RASA3: variants seen among roughly 807,000 people sequenced by gnomAD.
RASA3 encodes RAS p21 protein activator 3.
In RASA3, 73 loss-of-function variants were observed where a neutral mutation model predicts 110.0. The observed-to-expected ratio is 0.66, with a 90% CI of 0.55 to 0.81. The LOEUF is 0.81. Among genes scored for constraint, RASA3 ranks in the 30% least tolerant of loss-of-function variants. The pLI is 0.00. For synonymous variants in RASA3, 500 were observed against 451.4 expected (o/e 1.11, Z -1.37); for missense variants, 976 against 1,113.2 (o/e 0.88, Z 1.75).
chr13:114,027,000 T>C (rs972667971), intron 7 of RASA3, among the ~76,000 whole-genome samples: 1 of 152,264 alleles, frequency 6.6e-6, no homozygotes, highest in Non-Finnish European at 1.5e-5. Context: ...CTCTCAGGGA[T>C]GCTTGGGCAG....
At position 113,981,778 on chromosome 13, in the gene RASA3, T is replaced by C; in HGVS notation, c.2326A>G (p.Thr776Ala). The change falls in exon 23 of 24, where the codon ACC becomes GCC. Residue 776 changes from threonine (T) to alanine (A), a missense_variant. Transcript: ENST00000334062. ...STFVIDDPQE[T>A]YKTLKQVIAG... Reference sequence around the variant, plus strand: ...ATGACTTGCTTTAGCGTCTTGTAGGTCTCCTGGGGGTCGTCAATGACGAAC... The same window carrying C: ...ATGACTTGCTTTAGCGTCTTGTAGGCCTCCTGGGGGTCGTCAATGACGAAC... 3.7e-6 allele frequency: 6 copies of C among 1,614,012 alleles called. No homozygotes were observed. The highest frequency in any genetic ancestry group is 4.2e-6 in the Non-Finnish European group (5 of 1,179,980).
chr13:114,065,439 G>A lies in RASA3; in HGVS notation c.173+8281C>T, dbSNP rs79675394. Reference sequence around the variant, plus strand: ...GAACCAAACCCCAAACCGGGTCTGCGAAGCAGCCCTGGGGCTCCCAAGCCA... The same window carrying A: ...GAACCAAACCCCAAACCGGGTCTGCAAAGCAGCCCTGGGGCTCCCAAGCCA... On this transcript the variant is annotated intron_variant, in intron 2 of 23. Transcript: ENST00000334062. The surrounding 1 kb of genome is among the most constrained non-coding windows in gnomAD (Gnocchi z 4.1). Among the ~76,000 whole-genome samples, 5,361 of 152,286 alleles carry A rather than the reference G, an allele frequency of 0.035. 133 individuals carry two copies. The highest frequency in any genetic ancestry group is 0.092 in the Middle Eastern group (27 of 294).
rs768515274 is a variant in RASA3 at position 114,009,463 on chromosome 13, G to A, written c.1592C>T (p.Ala531Val). ...TLGSLSKSKS[A>V]SFKESYMATF... ...AGCCATGTAGGACTCCTTAAAACTC[G>A]CCTAAAATGAAACGGAGATCACTCG... The change falls in exon 17 of 24, where the codon GCG (alanine) becomes GTG (valine). Residue 531 changes from alanine (A) to valine (V), a missense_variant and splice_region_variant. Physicochemically the swap from Ala to Val is moderately conservative, Grantham distance 64. Transcript: ENST00000334062. 20 of 1,606,332 alleles carry A rather than the reference G, an allele frequency of 1.2e-5. No homozygotes were observed. The highest frequency in any genetic ancestry group is 5.5e-5 in the South Asian group (5 of 90,894).
At chr13:114,060,408 T>C (rs1293707184) in intron 2 of RASA3, among the ~76,000 whole-genome samples, 1 of 152,196 alleles carries the variant, frequency 6.6e-6, no homozygotes, top group Non-Finnish European at 1.5e-5. Flanking sequence ...TGCCCAGACC[T>C]GGCACAGTGG....
rs370578050 is a variant in RASA3, at chr13:114,115,544, C to T, written c.55+16891G>A. 2.0e-5 allele frequency among the ~76,000 whole-genome samples: 3 copies of T among 152,218 alleles called. No homozygotes were observed. The highest frequency in any genetic ancestry group is 2.9e-5 in the Non-Finnish European group (2 of 68,042). Reference sequence around the variant, plus strand: ...GAGACTCATGCCCTAGAGATAAAGCCGTCGGAGGCAGAGTGCAGGCCTCGA... The same window carrying T: ...GAGACTCATGCCCTAGAGATAAAGCTGTCGGAGGCAGAGTGCAGGCCTCGA... On this transcript the variant is annotated intron_variant, in intron 1 of 23. Coordinates refer to ENST00000334062, the MANE Select transcript of RASA3 (RefSeq NM_007368.4). This position sits in a 1 kb window ranked among gnomAD's most constrained non-coding sequence, Gnocchi z 5.0.
chr13:114,117,975 G>T (rs2080317975), intron 1 of RASA3, among the ~76,000 whole-genome samples: 1 of 151,978 alleles, frequency 6.6e-6, no homozygotes, highest in Non-Finnish European at 1.5e-5. Flanking sequence ...ACACGCACCT[G>T]TGTGCACATG....
chr13:114,034,327 G>A (rs1404690264), intron 4 of RASA3, among the ~76,000 whole-genome samples: 2 of 152,268 alleles, frequency 1.3e-5, no homozygotes, highest in African/African-American at 4.8e-5. Flanking sequence ...CTGTGCAGAC[G>A]GAGGTAGCTC....
intron 1 of RASA3, among the ~76,000 whole-genome samples, chr13:114,089,876 C>A (rs1162134504): frequency 6.6e-6 from 1 of 150,474 alleles, no homozygotes; most frequent in African/African-American, 2.4e-5. Context: ...TTGTCCTGGA[C>A]ATTTCATGGA....
chr13:114,027,576 T>G, intron 6 of RASA3, 115 bp from the exon 7 acceptor site: 1 of 845,818 alleles, frequency 1.2e-6, no homozygotes, highest in Non-Finnish European at 1.9e-6. Context: ...ATTTATTTTA[T>G]AAATATTTCT....
At chr13:114,069,075 G>A (rs1251179120) in intron 2 of RASA3, among the ~76,000 whole-genome samples, 3 of 152,232 alleles carry the variant, frequency 2.0e-5, no homozygotes, top group Non-Finnish European at 2.9e-5. Flanking sequence ...GCAGGGAGGA[G>A]GCGTGGGGGA....
chr13:114,123,829 C>T (rs1032542266), intron 1 of RASA3, among the ~76,000 whole-genome samples: 2 of 152,178 alleles, frequency 1.3e-5, no homozygotes, highest in East Asian at 3.8e-4. Context: ...AGGATCCCCA[C>T]GGTGTCTAGG....
intron 3 of RASA3, among the ~76,000 whole-genome samples, chr13:114,050,720 G>A (rs766667579): frequency 7.9e-5 from 12 of 152,246 alleles, no homozygotes; most frequent in South Asian, 6.2e-4. Context: ...GACAGCCTAC[G>A]CGTTACCTAC....
chr13:113,999,348 C>T (rs1424422278), intron 20 of RASA3, among the ~76,000 whole-genome samples: 13 of 152,158 alleles, frequency 8.5e-5, no homozygotes, highest in South Asian at 4.1e-4. Flanking sequence ...CCCCACCTTC[C>T]GGCAGGTTCC....
chr13:114,100,671 G>A (rs931105299), intron 1 of RASA3, among the ~76,000 whole-genome samples: 3 of 152,212 alleles, frequency 2.0e-5, no homozygotes, highest in Admixed American at 6.5e-5. Context: ...AGGACACCTG[G>A]GCAAACAGCC....
chr13:113,998,493 C>T (rs9562061), intron 20 of RASA3, among the ~76,000 whole-genome samples: 48,731 of 152,078 alleles, frequency 0.32, 7,942 homozygotes, highest in East Asian at 0.41. Flanking sequence ...ATGCTGCAGT[C>T]GGGGCACAGA....
chr13:114,117,181 T>C lies in RASA3; in HGVS notation c.55+15254A>G, dbSNP rs374387495. Among the ~76,000 whole-genome samples the C allele has an allele frequency of 2.9e-3, 195 of 67,258 alleles. 6 individuals are homozygous for C. The highest frequency in any genetic ancestry group is 0.029 in the Admixed American group (151 of 5,266). The allele number at this position is 67,258 out of a possible 152,430, so 44.1% of individuals were successfully genotyped here. A position where few individuals can be genotyped will look rare whatever the true frequency, so the allele number is the denominator to read the frequency against. Reference sequence around the variant, plus strand: ...GGGGTGCACGTGTGTGACAGATGCATGTGTGTGAGGAGAGCACGTGTGTGA... The same window carrying C: ...GGGGTGCACGTGTGTGACAGATGCACGTGTGTGAGGAGAGCACGTGTGTGA... On this transcript the variant is annotated intron_variant, in intron 1 of 23. Coordinates refer to ENST00000334062, the MANE Select transcript of RASA3 (RefSeq NM_007368.4).
In RASA3 at chr13:114,048,335, A is replaced by C. The variant is rs982629249; in HGVS notation, c.277+3717T>G. ...GTCTCAAAAAAAAAAAAAAAGAAGA[A>C]GAAAAGAATGGAGGTCTCACTGCAC... On this transcript the variant is annotated intron_variant, in intron 3 of 23. Coordinates refer to ENST00000334062, the MANE Select transcript of RASA3 (RefSeq NM_007368.4). This position sits in a 1 kb window ranked among gnomAD's most constrained non-coding sequence, Gnocchi z 4.3. 2.0e-5 allele frequency among the ~76,000 whole-genome samples: 3 copies of C among 151,078 alleles called. No individual in the cohort carries two copies. The highest frequency in any genetic ancestry group is 4.4e-5 in the Non-Finnish European group (3 of 67,778).
intron 3 of RASA3, among the ~76,000 whole-genome samples, chr13:114,043,837 G>GCCCCCCCCCCCCCCCCCCCCCC (rs544129523): frequency 1.3e-4 from 3 of 22,824 alleles, no homozygotes; most frequent in African/African-American, 1.0e-3. Flanking sequence ...CACTCGCTGA[G>GCCCCCCCCCCCCCCCCCCCCCC]CCCCCCGCCC....
rs1555321925 is a variant in RASA3, at chr13:113,978,265, GC to G, written c.*1081del. The G allele has an allele frequency of 6.6e-6, 1 of 152,208 alleles. No homozygotes were observed. The highest frequency in any genetic ancestry group is 1.5e-5 in the Non-Finnish European group (1 of 68,060). The allele number at this position is 152,208 out of a possible 1,614,324, so 9.4% of individuals were successfully genotyped here. A position where few individuals can be genotyped will look rare whatever the true frequency, so the allele number is the denominator to read the frequency against. On this transcript the variant is annotated 3_prime_UTR_variant, in exon 24 of 24. Transcript: ENST00000334062. ...AACACAGGTGCAATACTGACCATGGGCCCTGGAGGGACGTCTGCACCCCGAA... is the reference window on the plus strand; with the variant it reads ...AACACAGGTGCAATACTGACCATGGGCCTGGAGGGACGTCTGCACCCCGAA...
Sources: allele counts gnomAD v4.1 joint callset (sites outside exome capture counted in the v4.1 genomes callset), GRCh38; gene constraint gnomAD v4.1.1; non-coding constraint Gnocchi (gnomAD v3.1); transcripts MANE v1.5; gene names NCBI Gene and HGNC (gene_info 2026-07-23, HGNC 2026-07-21).